The following USP9Y variants were observed in gnomAD, a reference collection of about 807,000 sequenced individuals.
USP9Y encodes the protein ubiquitin specific peptidase 9 Y-linked, also known as ubiquitin carboxyl-terminal hydrolase 9Y.
A neutral mutation model predicts 53.1 loss-of-function variants in USP9Y; 41 were observed. The observed-to-expected ratio is 0.77, with a 90% CI of 0.60 to 1.00. The LOEUF is 1.00. Among genes scored for constraint, USP9Y ranks in the 50% least tolerant of loss-of-function variants. The pLI is 0.00. For synonymous variants in USP9Y, 220 were observed against 173.7 expected, an observed-to-expected ratio of 1.27 and a Z score of -2.09; for missense variants, 567 against 535.8, an observed-to-expected ratio of 1.06 and a Z score of -0.58.
chrY:12,795,891 C>T, intron 27 of USP9Y, among the ~76,000 whole-genome samples: 1 of 33,287 alleles, frequency 3.0e-5, no homozygotes, highest in Non-Finnish European at 7.4e-5. Flanking sequence ...GAGCCAGCTT[C>T]TTTACTGCAT....
chrY:12,760,702 A>G lies in USP9Y; in HGVS notation c.1900+85A>G. 6 of 310,597 alleles carry G rather than the reference A, an allele frequency of 1.9e-5. No homozygotes were observed. In the Admixed American group the frequency reaches 5.0e-4, roughly 26 times the overall value. 77.5% of individuals were successfully genotyped at this position (310,597 alleles called of 400,897 possible). A position where few individuals can be genotyped will look rare whatever the true frequency, so the allele number is the denominator to read the frequency against. On this transcript the variant is annotated intron_variant, in intron 15 of 45. Transcript: ENST00000338981. Reference sequence around the variant, plus strand: ...AATAACCTAAGAAATAACAACATTTATTTTTGAATGAGAAAAAATAGAAGT... The same window carrying G: ...AATAACCTAAGAAATAACAACATTTGTTTTTGAATGAGAAAAAATAGAAGT...
Position 12,778,715 on chromosome Y carries a change from A to G in USP9Y, c.2990A>G (p.Asp997Gly). 2.5e-6 allele frequency: 1 copy of G among 397,966 alleles called. No individual in the cohort carries two copies. The highest frequency in any genetic ancestry group is 3.5e-6 in the Non-Finnish European group (1 of 282,813). Residue 997 changes from aspartate (D) to glycine (G), a missense_variant, in exon 21 of 46, where the codon GAT becomes GGT. Asp to Gly is a moderately conservative substitution (Grantham distance 94, BLOSUM62 -1). Coordinates refer to ENST00000338981, the MANE Select transcript of USP9Y (RefSeq NM_004654.4). ...GGAAACCACCGTAATCATTACAATG[A>G]TGGTCCCAATCTAGAGGTGGAAAGT... is the stretch of plus-strand genomic sequence containing the variant. ...SPGNHRNHYN[D>G]GPNLEVESCL...
Position 12,859,591 on chromosome Y carries a change from C to T in USP9Y, c.*175C>T. 1 of 149,420 alleles carries T rather than the reference C, an allele frequency of 6.7e-6. No individual in the cohort carries two copies. The highest frequency in any genetic ancestry group is 4.9e-5 in the South Asian group (1 of 20,555). The allele number at this position is 149,420 out of a possible 400,897, so 37.3% of individuals were successfully genotyped here. ...TTGCAATTTGTCAGTGTATAAGACA[C>T]ATGCAGGGTGAAGTGTACAGAGTTT... On this transcript the variant is annotated 3_prime_UTR_variant, in exon 46 of 46. Transcript: ENST00000338981.
chrY:12,855,403 G>C (rs2053575078), intron 42 of USP9Y, among the ~76,000 whole-genome samples: 2 of 32,551 alleles, frequency 6.1e-5, no homozygotes, highest in South Asian at 7.0e-4. Context: ...GTAGAGACAG[G>C]GTTTCACCAT....
intron 12 of USP9Y, among the ~76,000 whole-genome samples, chrY:12,743,530 T>C (rs762207110): frequency 1.5e-4 from 5 of 33,773 alleles, no homozygotes; most frequent in African/African-American, 5.7e-4. Flanking sequence ...CCCAAAGTGC[T>C]GGGATTACAG....
chrY:12,829,387 GA>G (rs2053549287), intron 33 of USP9Y, among the ~76,000 whole-genome samples: 1 of 34,423 alleles, frequency 2.9e-5, no homozygotes, highest in Non-Finnish European at 7.3e-5. Flanking sequence ...ATCTTGGGGA[GA>G]GAATGCAAAG....
At chrY:12,838,156 G>T in intron 35 of USP9Y, 104 bp downstream of exon 35, 1 of 176,172 alleles carries the variant, frequency 5.7e-6, no homozygotes, top group South Asian at 5.1e-5. Flanking sequence ...CTTTATCTCT[G>T]CTGTTACAGT....
At chrY:12,790,352 G>A in intron 24 of USP9Y, 55 bp from the exon 25 acceptor site, 2 of 378,142 alleles carry the variant, frequency 5.3e-6, no homozygotes, top group Non-Finnish European at 7.5e-6. Flanking sequence ...AAAATTTTAG[G>A]GATTATGGTA....
chrY:12,831,435 T>C, intron 33 of USP9Y, among the ~76,000 whole-genome samples: 1 of 33,213 alleles, frequency 3.0e-5, no homozygotes, highest in Non-Finnish European at 7.4e-5. Context: ...GTACAGCCAC[T>C]GTTGAAAACA....
intron 27 of USP9Y, among the ~76,000 whole-genome samples, chrY:12,801,142 C>A (rs2053519002): frequency 3.0e-5 from 1 of 33,334 alleles, no homozygotes; most frequent in Non-Finnish European, 7.4e-5. Context: ...AAGGCTCAGT[C>A]CTTTGGATGT....
chrY:12,833,955 T>C, intron 34 of USP9Y, 94 bp downstream of exon 34: 2 of 253,167 alleles, frequency 7.9e-6, no homozygotes, highest in Admixed American at 1.1e-4. Flanking sequence ...AAAAGCAGAG[T>C]GTACCAAAAG....
chrY:12,773,409 C>A, intron 16 of USP9Y, among the ~76,000 whole-genome samples, 174 bp from the exon 17 acceptor site: 1 of 33,332 alleles, frequency 3.0e-5, no homozygotes, highest in Admixed American at 2.7e-4. Flanking sequence ...AATGTGAATA[C>A]CTGACACATT....
chrY:12,718,027 A>G (rs2053432503), intron 3 of USP9Y, among the ~76,000 whole-genome samples: 1 of 33,289 alleles, frequency 3.0e-5, no homozygotes, highest in African/African-American at 1.2e-4. Context: ...GATTTCCTAT[A>G]TCCTGATAGG....
At chrY:12,822,698 CT>C (rs2053542969) in intron 33 of USP9Y, among the ~76,000 whole-genome samples, 1 of 32,727 alleles carries the variant, frequency 3.1e-5, no homozygotes, top group Admixed American at 2.8e-4. Flanking sequence ...TCATACTTAT[CT>C]TTTTTTTTCT....
At chrY:12,801,623 A>G in intron 27 of USP9Y, among the ~76,000 whole-genome samples, 4 of 33,679 alleles carry the variant, frequency 1.2e-4, no homozygotes, top group African/African-American at 4.7e-4. Flanking sequence ...TCTGTCATCC[A>G]AAAGTAATAA....
intron 33 of USP9Y, among the ~76,000 whole-genome samples, chrY:12,822,519 C>T: frequency 6.3e-5 from 2 of 31,919 alleles, no homozygotes; most frequent in Non-Finnish European, 1.5e-4. Context: ...CCTGTGCCAC[C>T]CCACCCAGCT....
intron 1 of USP9Y, among the ~76,000 whole-genome samples, chrY:12,705,730 C>A (rs2053418995): frequency 3.0e-5 from 1 of 32,809 alleles, no homozygotes; most frequent in African/African-American, 1.2e-4. Context: ...ATTAATATAA[C>A]AAACTCTGCT....
At chrY:12,857,708 T>C in intron 45 of USP9Y, 47 bp downstream of exon 45, 1 of 279,399 alleles carries the variant, frequency 3.6e-6, no homozygotes, top group Non-Finnish European at 5.5e-6. Flanking sequence ...TTTTGATGCT[T>C]TACTTAAAAG....
chrY:12,760,552 C>G lies in USP9Y; in HGVS notation c.1835C>G (p.Ala612Gly), dbSNP rs747653845. ...ATCAACCAGCTTCAACAAAATCATG[C>G]TTTAGTTACTTTGGTAGCAGAAAAC... ...DLINQLQQNH[A>G]LVTLVAENLA... The change falls in exon 15 of 46, where the codon GCT (alanine) becomes GGT (glycine). Residue 612 changes from alanine (A) to glycine (G), a missense_variant. By Grantham distance (60) the Ala-to-Gly change is moderately conservative (BLOSUM62 0). Coordinates refer to ENST00000338981, the MANE Select transcript of USP9Y (RefSeq NM_004654.4). 2.5e-6 allele frequency: 1 copy of G among 395,703 alleles called. No homozygotes were observed. Among genetic ancestry groups the G allele is most frequent in the African/African-American group, 6.4e-5 (1 of 15,656 alleles).
Sources: allele counts gnomAD v4.1 joint callset (sites outside exome capture counted in the v4.1 genomes callset), GRCh38; gene constraint gnomAD v4.1.1; transcripts MANE v1.5; gene names NCBI Gene and HGNC (gene_info 2026-07-23, HGNC 2026-07-21).